Variants in GRAMD1B observed in about 807,000 individuals in gnomAD.
GRAMD1B encodes protein Aster-B.
In GRAMD1B, 37 loss-of-function variants were observed where a neutral mutation model predicts 99.7. The observed-to-expected ratio is 0.37, with a 90% CI of 0.29 to 0.49. The LOEUF is 0.49. GRAMD1B is among the 20% of genes least tolerant of loss of function. The pLI is 0.98. For synonymous variants in GRAMD1B, 427 were observed against 387.6 expected, an observed-to-expected ratio of 1.10 and a Z score of -1.19; for missense variants, 888 against 1,009.2, an observed-to-expected ratio of 0.88 and a Z score of 1.63.
upstream of GRAMD1B, chr11:123,430,231 C>CT (rs1301173379): frequency 1.3e-5 from 2 of 150,256 alleles, no homozygotes; most frequent in African/African-American, 4.9e-5. Context: ...CCTCCTCCTC[C>CT]TTTTTTGTTT....
intron 2 of GRAMD1B, among the ~76,000 whole-genome samples, chr11:123,486,849 C>T (rs914435671): frequency 8.5e-5 from 13 of 152,186 alleles, no homozygotes; most frequent in African/African-American, 3.1e-4. Flanking sequence ...GGGGGTGGAT[C>T]CCTTTGAGGC....
At chr11:123,533,190 C>T (rs772294653) in intron 2 of GRAMD1B, among the ~76,000 whole-genome samples, 4 of 152,098 alleles carry the variant, frequency 2.6e-5, no homozygotes, top group African/African-American at 4.8e-5. Flanking sequence ...AGTCTGGTCT[C>T]AAACTCCCGA....
chr11:123,390,413 T>C (rs2135849117), intron 1 of GRAMD1B, among the ~76,000 whole-genome samples: 1 of 152,296 alleles, frequency 6.6e-6, no homozygotes, highest in South Asian at 2.1e-4. Flanking sequence ...CCCTGCTCCT[T>C]GAATCCCTCT....
chr11:123,579,771 G>T (rs1431914400), intron 3 of GRAMD1B, among the ~76,000 whole-genome samples: 1 of 152,184 alleles, frequency 6.6e-6, no homozygotes, highest in East Asian at 1.9e-4. Context: ...AGTTGGGGAT[G>T]TTCTGTAAGC....
intron 1 of GRAMD1B, among the ~76,000 whole-genome samples, chr11:123,433,118 C>CTGAGGCGGGAGGGTCACCTGAGG (rs369503078): frequency 1.3e-5 from 2 of 152,026 alleles, no homozygotes; most frequent in Non-Finnish European, 2.9e-5. Flanking sequence ...CTTTGGGAGG[C>CTGAGGCGGGAGGGTCACCTGAGG]TGAGGCGGGA....
chr11:123,375,619 A>G (rs1591376709), intron 1 of GRAMD1B, among the ~76,000 whole-genome samples: 2 of 152,358 alleles, frequency 1.3e-5, no homozygotes, highest in Admixed American at 1.3e-4. Flanking sequence ...CATAGTAAAT[A>G]TTATATGAAT....
chr11:123,402,988 T>TA (rs11420650), intron 1 of GRAMD1B, among the ~76,000 whole-genome samples: 19,623 of 151,550 alleles, frequency 0.13, 1,718 homozygotes, highest in African/African-American at 0.26. Flanking sequence ...TTAAACCATC[T>TA]TACTGTAAAA....
chr11:123,459,974 C>T (rs1407121463), intron 1 of GRAMD1B: 1 of 152,158 alleles, frequency 6.6e-6, no homozygotes, highest in African/African-American at 2.4e-5. Context: ...TTTTTATGTC[C>T]TTGTCCTCAC....
chr11:123,540,632 C>G (rs1944416671), intron 2 of GRAMD1B, among the ~76,000 whole-genome samples: 1 of 151,618 alleles, frequency 6.6e-6, no homozygotes, highest in Admixed American at 6.6e-5. Context: ...TATCCATGGG[C>G]ATTGTATAAA....
chr11:123,457,583 T>C (rs904928172), intron 1 of GRAMD1B, among the ~76,000 whole-genome samples: 2 of 152,234 alleles, frequency 1.3e-5, no homozygotes, highest in Admixed American at 6.5e-5. Context: ...CAAACTGAAG[T>C]TCAGAACAAT....
chr11:123,486,426 G>A (rs1363702471), intron 2 of GRAMD1B, among the ~76,000 whole-genome samples: 2 of 152,088 alleles, frequency 1.3e-5, no homozygotes, highest in African/African-American at 4.8e-5. Flanking sequence ...GCATGCGCCT[G>A]TGGTCCCAGC....
At chr11:123,586,943 C>G (rs1049190376) in intron 4 of GRAMD1B, among the ~76,000 whole-genome samples, 4 of 152,216 alleles carry the variant, frequency 2.6e-5, no homozygotes, top group Non-Finnish European at 4.4e-5. Flanking sequence ...TTGTAACGCC[C>G]AGCCCTGGGG....
Position 123,513,793 on chromosome 11 carries a change from A to G in GRAMD1B, c.452+32900A>G, listed in dbSNP as rs530110181. 2.0e-5 allele frequency among the ~76,000 whole-genome samples: 3 copies of G among 151,672 alleles called. No homozygotes were observed. The South Asian group carries it at 6.3e-4, about 32-fold the overall frequency. On this transcript the variant is annotated intron_variant, in intron 2 of 19. Coordinates refer to ENST00000635736, the MANE Select transcript of GRAMD1B (RefSeq NM_001387025.1). Reference sequence around the variant, plus strand: ...TGCCTCAGCCTCCTGAGCAGGTGGGACTACAGGTGCATGCCACCACACTTG... The same window carrying G: ...TGCCTCAGCCTCCTGAGCAGGTGGGGCTACAGGTGCATGCCACCACACTTG...
At chr11:123,467,252 G>A (rs1950726309) in intron 1 of GRAMD1B, among the ~76,000 whole-genome samples, 2 of 152,154 alleles carry the variant, frequency 1.3e-5, no homozygotes, top group Non-Finnish European at 1.5e-5. Flanking sequence ...GGAGGCCGAG[G>A]TGGGAGGATT....
chr11:123,405,002 G>A (rs1312528360), intron 1 of GRAMD1B, among the ~76,000 whole-genome samples: 1 of 152,218 alleles, frequency 6.6e-6, no homozygotes, highest in Non-Finnish European at 1.5e-5. Flanking sequence ...GGAAGTCAGA[G>A]AAGAAAGCTT....
chr11:123,507,569 T>G (rs1940561314), intron 2 of GRAMD1B, among the ~76,000 whole-genome samples: 1 of 152,212 alleles, frequency 6.6e-6, no homozygotes, highest in Non-Finnish European at 1.5e-5. Context: ...TCCTTCCCCC[T>G]TACCTCAATT....
chr11:123,462,437 C>T (rs1364759952), intron 1 of GRAMD1B, among the ~76,000 whole-genome samples: 2 of 152,122 alleles, frequency 1.3e-5, no homozygotes, highest in Admixed American at 1.3e-4. Flanking sequence ...CTGAGGGCTG[C>T]CACCTGCAAA....
chr11:123,424,665 T>G (rs770594109), intron 1 of GRAMD1B, among the ~76,000 whole-genome samples: 1 of 152,242 alleles, frequency 6.6e-6, no homozygotes, highest in Non-Finnish European at 1.5e-5. Context: ...TTATTGAAAT[T>G]CTGACTTGAA....
At chr11:123,381,983 C>A (rs1946892683) in intron 1 of GRAMD1B, among the ~76,000 whole-genome samples, 2 of 152,052 alleles carry the variant, frequency 1.3e-5, no homozygotes, top group Admixed American at 6.6e-5. Flanking sequence ...GAAAAGGAGG[C>A]CTCCTCTGAC....
Sources: allele counts gnomAD v4.1 joint callset (sites outside exome capture counted in the v4.1 genomes callset), GRCh38; gene constraint gnomAD v4.1.1; transcripts MANE v1.5; gene names NCBI Gene and HGNC (gene_info 2026-07-23, HGNC 2026-07-21).